The following WNK3 variants were observed in gnomAD, a reference collection of about 807,000 sequenced individuals.
WNK3 encodes WNK lysine deficient protein kinase 3.
Under a neutral mutation model 116.7 loss-of-function variants are expected in WNK3, and 18 were observed. The observed-to-expected ratio is 0.15, with a 90% CI of 0.11 to 0.23. The LOEUF (loss-of-function observed/expected upper bound fraction) is 0.23. Among genes scored for constraint, WNK3 ranks in the 10% least tolerant of loss-of-function variants. The pLI, the probability that WNK3 is intolerant of heterozygous loss-of-function variation, is 1.00. For synonymous variants in WNK3, 404 were observed against 469.4 expected, an observed-to-expected ratio of 0.86 and a Z score of 1.80; for missense variants, 993 against 1,323.8, an observed-to-expected ratio of 0.75 and a Z score of 3.88.
At chrX:54,342,870 T>C (rs1156946572) in intron 1 of WNK3, among the ~76,000 whole-genome samples, 2 of 109,082 alleles carry the variant, frequency 1.8e-5, no homozygotes, top group Non-Finnish European at 3.8e-5. Flanking sequence ...TTTTTTGAGA[T>C]AGGGCCTCAC....
At chrX:54,238,724 T>A in intron 18 of WNK3, 144 bp downstream of exon 18, 1 of 543,962 alleles carries the variant, frequency 1.8e-6, no homozygotes, top group Non-Finnish European at 2.8e-6. Flanking sequence ...AAGGAAAAAA[T>A]AAAATGGCAA....
intron 1 of WNK3, chrX:54,343,398 T>G (rs1490781188): frequency 7.3e-5 from 8 of 109,443 alleles, no homozygotes; most frequent in Admixed American, 7.0e-4. Flanking sequence ...TCCCAACTAC[T>G]CGGGAGGCTG....
At chrX:54,224,913 G>A (rs1429033753) in intron 22 of WNK3, among the ~76,000 whole-genome samples, 1 of 110,356 alleles carries the variant, frequency 9.1e-6, no homozygotes, top group Non-Finnish European at 1.9e-5. Context: ...GATAGAACTA[G>A]GCAGATGATC....
At chrX:54,242,773 C>T (rs1453695354) in intron 17 of WNK3, among the ~76,000 whole-genome samples, 1 of 111,405 alleles carries the variant, frequency 9.0e-6, no homozygotes, top group African/African-American at 3.3e-5. Flanking sequence ...CAAAAATTAA[C>T]TCAACATATA....
At chrX:54,253,850 A>G in intron 13 of WNK3, 109 bp downstream of exon 13, 1 of 549,204 alleles carries the variant, frequency 1.8e-6, no homozygotes, top group Middle Eastern at 3.6e-4. Flanking sequence ...CAAAATTTTA[A>G]AACTAATCGT....
chrX:54,253,501 A>C (rs1404657606), intron 13 of WNK3, among the ~76,000 whole-genome samples: 3 of 111,175 alleles, frequency 2.7e-5, no homozygotes, highest in Non-Finnish European at 5.7e-5. Flanking sequence ...TCCTGGGCTC[A>C]AGTGATCCTC....
intron 2 of WNK3, among the ~76,000 whole-genome samples, chrX:54,331,304 C>G (rs1489844464): frequency 9.8e-6 from 1 of 102,356 alleles, no homozygotes; most frequent in Non-Finnish European, 1.9e-5. Flanking sequence ...TATACACTTA[C>G]AGATAATGAA....
At chrX:54,358,230 G>A (rs997494697), upstream of WNK3, among the ~76,000 whole-genome samples, 2 of 111,334 alleles carry the variant, frequency 1.8e-5, no homozygotes, top group Non-Finnish European at 3.8e-5. Context: ...AGAGGGATGC[G>A]CGTCGAGGAG....
intron 1 of WNK3, among the ~76,000 whole-genome samples, chrX:54,342,212 T>C (rs2069335861): frequency 9.0e-6 from 1 of 111,444 alleles, no homozygotes; most frequent in Non-Finnish European, 1.9e-5. Flanking sequence ...GAGTGAGCCA[T>C]GATTGCAACA....
intron 12 of WNK3, among the ~76,000 whole-genome samples, chrX:54,255,292 CTT>C (rs2068179769): frequency 9.0e-6 from 1 of 111,697 alleles, no homozygotes; most frequent in East Asian, 2.8e-4. Context: ...CTCCTCTGAT[CTT>C]TAGTATCTTC....
intron 21 of WNK3, among the ~76,000 whole-genome samples, chrX:54,232,256 C>T (rs1014623701): frequency 1.0e-3 from 111 of 109,804 alleles, no homozygotes; most frequent in African/African-American, 3.6e-3. Context: ...ATTCTCCCAT[C>T]TCAGCCTCCT....
chrX:54,221,085 T>A (rs782036720), intron 22 of WNK3, among the ~76,000 whole-genome samples: 16 of 112,103 alleles, frequency 1.4e-4, no homozygotes, highest in African/African-American at 5.2e-4. Context: ...AAGCTAGTCC[T>A]TTATGTCCTT....
chrX:54,250,223 G>A, intron 15 of WNK3, 92 bp from the exon 16 acceptor site: 1 of 875,831 alleles, frequency 1.1e-6, no homozygotes, highest in Non-Finnish European at 1.5e-6. Context: ...TAAACAATTT[G>A]TCTTATATCT....
At chrX:54,292,176 A>G (rs904102491) in intron 10 of WNK3, among the ~76,000 whole-genome samples, 4 of 112,216 alleles carry the variant, frequency 3.6e-5, no homozygotes, top group Non-Finnish European at 5.6e-5. Flanking sequence ...TTAGATGAAC[A>G]TGCTAAAAAT....
intron 10 of WNK3, among the ~76,000 whole-genome samples, chrX:54,273,722 T>C (rs1336684433): frequency 9.0e-6 from 1 of 111,671 alleles, no homozygotes; most frequent in Non-Finnish European, 1.9e-5. Flanking sequence ...GAGAAAACTA[T>C]TGCAAAGTTA....
intron 10 of WNK3, among the ~76,000 whole-genome samples, chrX:54,278,596 A>G (rs1202113550): frequency 9.0e-6 from 1 of 111,103 alleles, no homozygotes; most frequent in Non-Finnish European, 1.9e-5. Flanking sequence ...CAAATAAGCC[A>G]AACTGATTTT....
rs1233224688 is a variant in WNK3, at chrX:54,344,837, G to A, written c.-119-11045C>T. The stretch of plus-strand genomic sequence containing the variant: ...CGAGCGTCTGTAGTCCCAGCTACTC[G>A]TGAGGCTGAGGTGGGAGAATGGCGT... On this transcript the variant is annotated intron_variant, in intron 1 of 23. Transcript: ENST00000354646. Among the ~76,000 whole-genome samples, 4 of 107,597 alleles carry A rather than the reference G, an allele frequency of 3.7e-5. No homozygotes were observed. In the Admixed American group the frequency reaches 4.0e-4, roughly 11 times the overall value. 93.4% of individuals were successfully genotyped at this position (107,597 alleles called of 115,157 possible). A position where few individuals can be genotyped will look rare whatever the true frequency, so the allele number is the denominator to read the frequency against.
At chrX:54,246,313 T>G (rs192076630) in intron 17 of WNK3, among the ~76,000 whole-genome samples, 1 of 110,339 alleles carries the variant, frequency 9.1e-6, no homozygotes, top group Admixed American at 9.7e-5. Context: ...AAAAATTAAC[T>G]GGATACAGCT....
At chrX:54,324,703 G>A (rs1188527406) in intron 2 of WNK3, among the ~76,000 whole-genome samples, 1 of 112,217 alleles carries the variant, frequency 8.9e-6, no homozygotes, top group Non-Finnish European at 1.9e-5. Flanking sequence ...ACTATTTGGC[G>A]TGTGCCTATA....
Sources: gnomAD v4.1 joint callset for allele counts (sites outside exome capture counted in the v4.1 genomes callset) on GRCh38, gnomAD v4.1.1 for gene constraint, MANE v1.5 for transcripts, NCBI Gene and HGNC (gene_info 2026-07-23, HGNC 2026-07-21) for gene names.